Variants in ZNF880 observed in about 807,000 individuals in gnomAD.
ZNF880 encodes the protein zinc finger protein LOC400713.
A neutral mutation model predicts 11.8 loss-of-function variants in ZNF880; 12 were observed. That is an observed-to-expected ratio of 1.02 (90% CI 0.65 to 1.65). The LOEUF (loss-of-function observed/expected upper bound fraction) is 1.65, where lower values mean the gene tolerates loss of function less well. ZNF880 is among the 40% of genes most tolerant of loss of function. The probability of loss-of-function intolerance (pLI) is 0.00; values close to 1 mark genes in which losing one functional copy is unlikely to be tolerated. For missense variants in ZNF880, 601 were observed against 673.9 expected, an observed-to-expected ratio of 0.89 and a Z score of 1.20; for synonymous variants, 210 against 232.4, an observed-to-expected ratio of 0.90 and a Z score of 0.88.
At chr19:52,378,920 A>T (rs778113657) in intron 3 of ZNF880, among the ~76,000 whole-genome samples, 1 of 151,828 alleles carries the variant, frequency 6.6e-6, no homozygotes, top group Non-Finnish European at 1.5e-5. Flanking sequence ...TCTACAAAAC[A>T]TATAAAAATT....
chr19:52,371,273 G>A (rs1386362136), intron 1 of ZNF880, among the ~76,000 whole-genome samples: 6 of 151,992 alleles, frequency 3.9e-5, no homozygotes, highest in African/African-American at 7.3e-5. Context: ...TTTTAATCCC[G>A]GAACTTATTT....
chr19:52,389,106 C>G (rs1016674380), downstream of ZNF880: 3 of 152,130 alleles, frequency 2.0e-5, no homozygotes, highest in Admixed American at 2.0e-4. Flanking sequence ...ATGGGAGCTG[C>G]AATTCAAGAT....
At chr19:52,379,132 G>A (rs1202458739) in intron 3 of ZNF880, among the ~76,000 whole-genome samples, 1 of 152,016 alleles carries the variant, frequency 6.6e-6, no homozygotes, top group Non-Finnish European at 1.5e-5. Context: ...TTAGTCAACA[G>A]TTCCATATGG....
At position 52,383,991 on chromosome 19, in the gene ZNF880, T is replaced by TGTC; in HGVS notation, c.411_412insGTC (p.Pro137_Ile138insVal). 2.0e-6 allele frequency: 3 copies of TGTC among 1,504,078 alleles called. No individual in the cohort carries two copies. Among genetic ancestry groups the TGTC allele is most frequent in the South Asian group, 1.2e-5 (1 of 80,764 alleles). 93.2% of individuals were successfully genotyped at this position (1,504,078 alleles called of 1,614,324 possible). On this transcript the variant is annotated inframe_insertion, in exon 4 of 4. Transcript: ENST00000422689. ...CTGGATGTAAACATGTCGAAAAACC[T>TGTC]ATCAACAATTCCTTAGTTTCACCAC...
chr19:52,380,179 C>G (rs572716184), intron 3 of ZNF880: 1 of 152,220 alleles, frequency 6.6e-6, no homozygotes, highest in Non-Finnish European at 1.5e-5. Context: ...GGATTACAGG[C>G]GTGAGCCACC....
intron 3 of ZNF880, among the ~76,000 whole-genome samples, chr19:52,375,567 A>G (rs1213464313): frequency 2.0e-5 from 3 of 152,068 alleles, no homozygotes; most frequent in Non-Finnish European, 4.4e-5. Context: ...TAAGTTCTTT[A>G]GTGGTGGTTT....
chr19:52,392,490 A>C, the ZNF880 span, among the ~76,000 whole-genome samples: 1 of 152,182 alleles, frequency 6.6e-6, no homozygotes, highest in African/African-American at 2.4e-5. Context: ...TAGTAGAGAC[A>C]GCATATTGCC....
the ZNF880 span, chr19:52,396,796 G>C: frequency 6.6e-6 from 1 of 152,140 alleles, no homozygotes; most frequent in Non-Finnish European, 1.5e-5. Flanking sequence ...TAGCACAGTG[G>C]AGAGGCACAG....
At position 52,384,993 on chromosome 19, in the gene ZNF880, G is replaced by C. The variant is rs756117055; in HGVS notation, c.1413G>C (p.Lys471Asn). The change falls in exon 4 of 4, where the codon AAG (lysine) becomes AAC (asparagine). Residue 471 changes from lysine to asparagine, a missense_variant. Lys to Asn is a moderately conservative substitution (Grantham distance 94, BLOSUM62 0). Coordinates refer to ENST00000422689, the MANE Select transcript of ZNF880 (RefSeq NM_001145434.2). ...CTTACAGATGTGATGAATGTGGCAAGGACTTCACTCGAAATTCAAACCTTG... is the reference window on the plus strand; with the variant it reads ...CTTACAGATGTGATGAATGTGGCAACGACTTCACTCGAAATTCAAACCTTG... Reference protein sequence around the residue: ...EKPYRCDECGKDFTRNSNLAN... With the variant: ...EKPYRCDECGNDFTRNSNLAN... 2.6e-6 allele frequency: 4 copies of C among 1,562,424 alleles called. No individual in the cohort carries two copies. Among genetic ancestry groups the C allele is most frequent in the African/African-American group, 2.7e-5 (2 of 72,798 alleles).
At chr19:52,383,306 T>C (rs573817366) in intron 3 of ZNF880, among the ~76,000 whole-genome samples, 3 of 152,194 alleles carry the variant, frequency 2.0e-5, no homozygotes, top group Admixed American at 1.3e-4. Context: ...TTTGTGGAGA[T>C]TGATTGATTG....
rs766257620 is a variant in ZNF880, at chr19:52,385,652, T to C, written c.*338T>C. ...TCAGTCTCTAGTTCTCCAATATTTA[T>C]GATACTGCATGCTGCAGAAAAGTCA... On this transcript the variant is annotated 3_prime_UTR_variant, in exon 4 of 4. Transcript: ENST00000422689. 5.4e-5 allele frequency: 10 copies of C among 186,728 alleles called. No homozygotes were observed. Among genetic ancestry groups the C allele is most frequent in the South Asian group, 9.8e-5 (1 of 10,210 alleles). The allele number at this position is 186,728 out of a possible 1,614,324, so 11.6% of individuals were successfully genotyped here.
rs781666324 is a variant in ZNF880 at position 52,374,331 on chromosome 19, A to G, written c.172A>G (p.Met58Val). ...ICLPDLSVIS[M>V]LEQRRDPRNL... ...TCTTCCTGACCTGAGTGTTATCTCCATGTTGGAGCAAAGGAGAGATCCCCG... is the reference window on the plus strand; with the variant it reads ...TCTTCCTGACCTGAGTGTTATCTCCGTGTTGGAGCAAAGGAGAGATCCCCG... The change falls in exon 3 of 4, where the codon ATG becomes GTG. Residue 58 changes from methionine to valine, a missense_variant. By Grantham distance (21) the Met-to-Val change is conservative. Transcript: ENST00000422689. The G allele has an allele frequency of 3.1e-6, 5 of 1,613,244 alleles. No homozygotes were observed. The South Asian group carries it at 4.4e-5, about 14-fold the overall frequency.
chr19:52,383,735 T>C, intron 3 of ZNF880, 114 bp from the exon 4 acceptor site: 4 of 1,117,254 alleles, frequency 3.6e-6, no homozygotes, highest in South Asian at 1.6e-5. Context: ...ACACACAGTA[T>C]GCTGATATTC....
chr19:52,396,121 A>ATTTTTT, the ZNF880 span, among the ~76,000 whole-genome samples: 6 of 120,614 alleles, frequency 5.0e-5, no homozygotes, highest in East Asian at 2.4e-4. Flanking sequence ...TGCCTGGCTA[A>ATTTTTT]TTTTTTTTTT....
chr19:52,368,332 T>G (rs949179264), upstream of ZNF880, among the ~76,000 whole-genome samples: 1 of 152,228 alleles, frequency 6.6e-6, no homozygotes, highest in Non-Finnish European at 1.5e-5. Flanking sequence ...AAGGGAATTT[T>G]GTTTTGGTAC....
At chr19:52,394,152 T>C in the ZNF880 span, among the ~76,000 whole-genome samples, 2 of 151,270 alleles carry the variant, frequency 1.3e-5, no homozygotes, top group East Asian at 4.0e-4. Context: ...TTGACCTTTT[T>C]CTTAATGGAG....
chr19:52,385,379 G>T lies in ZNF880; in HGVS notation c.*65G>T. ...GCACAGCATGAGATAATTCATTCAT[G>T]AGAGAGTTCTTACAAACTGAGTATG... On this transcript the variant is annotated 3_prime_UTR_variant, in exon 4 of 4. Transcript: ENST00000422689. 6.7e-7 allele frequency: 1 copy of T among 1,496,412 alleles called. No homozygotes were observed. The highest frequency in any genetic ancestry group is 1.3e-5 in the South Asian group (1 of 77,012). 92.7% of individuals were successfully genotyped at this position (1,496,412 alleles called of 1,614,324 possible).
chr19:52,395,528 T>A, the ZNF880 span: 5 of 152,212 alleles, frequency 3.3e-5, no homozygotes, highest in African/African-American at 7.2e-5. Context: ...CTGAGTTGAG[T>A]GAGAGATAAT....
chr19:52,390,128 TG>T (rs2058702242), downstream of ZNF880: 3 of 165,210 alleles, frequency 1.8e-5, no homozygotes, highest in Non-Finnish European at 4.0e-5. Flanking sequence ...CACAGTTCCA[TG>T]GGGTCGTGTC....
Sources: allele counts gnomAD v4.1 joint callset (sites outside exome capture counted in the v4.1 genomes callset), GRCh38; gene constraint gnomAD v4.1.1; transcripts MANE v1.5; gene names NCBI Gene and HGNC (gene_info 2026-07-23, HGNC 2026-07-21).